The following CHODL variants were observed in gnomAD, a reference collection of about 807,000 sequenced individuals.
The protein encoded by CHODL is chondrolectin, also known as transmembrane protein MT75.
Under a neutral mutation model 34.5 loss-of-function variants are expected in CHODL, and 29 were observed. The observed-to-expected ratio is 0.84, with a 90% CI of 0.63 to 1.15. The LOEUF (loss-of-function observed/expected upper bound fraction) is 1.15. CHODL is among the 50% of genes most tolerant of loss of function. The probability of loss-of-function intolerance (pLI) is 0.00; values close to 1 mark genes in which losing one functional copy is unlikely to be tolerated. For synonymous variants in CHODL, 125 were observed against 116.1 expected, an observed-to-expected ratio of 1.08 and a Z score of -0.49; for missense variants, 332 against 332.5, an observed-to-expected ratio of 1.00 and a Z score of 0.01.
At chr21:17,953,941 T>C (rs979843003) in intron 1 of CHODL, among the ~76,000 whole-genome samples, 2 of 151,666 alleles carry the variant, frequency 1.3e-5, no homozygotes, top group Non-Finnish European at 1.5e-5. Context: ...ACCCGGGAGG[T>C]GGAGGTTGCA....
At chr21:18,231,729 CT>C (rs1362683426) in intron 2 of CHODL, among the ~76,000 whole-genome samples, 1 of 152,028 alleles carries the variant, frequency 6.6e-6, no homozygotes, top group Non-Finnish European at 1.5e-5. Flanking sequence ...TCTTTTCCGT[CT>C]GTTTGCTCCT....
chr21:18,039,231 A>C lies in CHODL; in HGVS notation c.-45+11260A>C, dbSNP rs529882240. ...GAGAGATATATATCTGTTATTTATC[A>C]ACTCTTAGATATTCATTAAGTTTGC... On this transcript the variant is annotated intron_variant, in intron 2 of 6. Transcript: ENST00000400127. 6.6e-5 allele frequency among the ~76,000 whole-genome samples: 10 copies of C among 151,902 alleles called. No individual in the cohort carries two copies. In the East Asian group the frequency reaches 1.9e-3, roughly 30 times the overall value.
chr21:18,019,039 CAT>C (rs1408243397), intron 1 of CHODL, among the ~76,000 whole-genome samples: 3 of 152,164 alleles, frequency 2.0e-5, no homozygotes, highest in Non-Finnish European at 4.4e-5. Context: ...AGCTATTTCA[CAT>C]GTTAGTAATC....
At chr21:18,163,001 A>G (rs1450777747) in intron 2 of CHODL, among the ~76,000 whole-genome samples, 1 of 152,136 alleles carries the variant, frequency 6.6e-6, no homozygotes, top group Non-Finnish European at 1.5e-5. Context: ...ATATATATCT[A>G]TGTGTCTATG....
intron 1 of CHODL, among the ~76,000 whole-genome samples, chr21:17,926,410 C>T (rs938293846): frequency 6.7e-5 from 10 of 149,216 alleles, no homozygotes; most frequent in African/African-American, 2.2e-4. Context: ...TGTATTAGTC[C>T]ATTCTCATAC....
chr21:18,023,916 C>G (rs536475615), intron 1 of CHODL, among the ~76,000 whole-genome samples: 1 of 152,260 alleles, frequency 6.6e-6, no homozygotes, highest in Admixed American at 6.5e-5. Context: ...ATCTGATTCT[C>G]AAAGCATGCA....
chr21:18,262,407 G>C (rs560280079), intron 4 of CHODL, among the ~76,000 whole-genome samples: 47 of 152,164 alleles, frequency 3.1e-4, no homozygotes, highest in Admixed American at 1.4e-3. Context: ...TTACTTCTAG[G>C]CTACAAACCC....
intron 2 of CHODL, among the ~76,000 whole-genome samples, chr21:18,123,835 C>G (rs756621614): frequency 1.7e-4 from 26 of 152,244 alleles, no homozygotes; most frequent in Non-Finnish European, 2.9e-4. Flanking sequence ...ATTATTCAAG[C>G]AAGCCATTTC....
At chr21:17,965,679 C>CA (rs1243668416) in intron 1 of CHODL, among the ~76,000 whole-genome samples, 3 of 152,044 alleles carry the variant, frequency 2.0e-5, no homozygotes, top group African/African-American at 7.2e-5. Context: ...GTTTCTTGAG[C>CA]AGAGGGTCCA....
rs1568923201 is a variant in CHODL, at chr21:18,174,152, T to TATATATATATATATATAA, written c.-44-82348_-44-82347insTATATATAAATATATATA. On this transcript the variant is annotated intron_variant, in intron 2 of 6. Coordinates refer to the CHODL transcript ENST00000400127. ...ATATATATATATATATATATATATATATATATATAAAATCAAGTCTCTCAG... is the reference window on the plus strand; with the variant it reads ...ATATATATATATATATATATATATATATATATATATATATATAAATATATATAAAATCAAGTCTCTCAG... Among the ~76,000 whole-genome samples, 138 of 125,786 alleles carry TATATATATATATATATAA rather than the reference T, an allele frequency of 1.1e-3. 1 individual carries two copies. The highest frequency in any genetic ancestry group is 4.0e-3 in the African/African-American group (134 of 33,580). 82.5% of individuals were successfully genotyped at this position (125,786 alleles called of 152,430 possible).
chr21:18,136,129 A>G (rs1307951972), intron 2 of CHODL, among the ~76,000 whole-genome samples: 1 of 150,432 alleles, frequency 6.6e-6, no homozygotes, highest in Non-Finnish European at 1.5e-5. Context: ...GAAAAAGAAA[A>G]AAAAGAAAAA....
rs76922232 is a variant in CHODL at position 18,157,548 on chromosome 21, G to A, written c.-44-98961G>A. On this transcript the variant is annotated intron_variant, in intron 2 of 6. Transcript: ENST00000400127. ...ATTTCTCTTCATTAAGGCAGGTTGT[G>A]TCAGCCAAACAGCAGATGGCCTAAC... 2.2e-3 allele frequency among the ~76,000 whole-genome samples: 328 copies of A among 152,310 alleles called. 1 individual carries two copies. The highest frequency in any genetic ancestry group is 3.4e-3 in the Non-Finnish European group (229 of 68,024).
chr21:18,062,362 C>T (rs1361795773), intron 2 of CHODL, among the ~76,000 whole-genome samples: 2 of 140,154 alleles, frequency 1.4e-5, no homozygotes, highest in Admixed American at 7.1e-5. Flanking sequence ...GTACACACCA[C>T]CACAGCCAGC....
intron 1 of CHODL, among the ~76,000 whole-genome samples, chr21:18,000,803 TATTA>T (rs2063898080): frequency 6.6e-6 from 1 of 152,170 alleles, no homozygotes; most frequent in African/African-American, 2.4e-5. Context: ...TAAATACTCA[TATTA>T]ATTATAAAAA....
intron 2 of CHODL, among the ~76,000 whole-genome samples, chr21:18,141,428 A>G (rs1337393079): frequency 3.3e-5 from 5 of 152,126 alleles, no homozygotes; most frequent in African/African-American, 7.2e-5. Context: ...AATGGAATGA[A>G]CAGCAGTAGA....
intron 1 of CHODL, among the ~76,000 whole-genome samples, chr21:17,946,376 C>A (rs536897333): frequency 4.5e-4 from 68 of 152,214 alleles, no homozygotes; most frequent in African/African-American, 1.5e-3. Context: ...GCCGAGATGG[C>A]GCCACTGCAC....
intron 1 of CHODL, among the ~76,000 whole-genome samples, chr21:18,007,586 T>C (rs2063972488): frequency 6.6e-6 from 1 of 152,188 alleles, no homozygotes; most frequent in South Asian, 2.1e-4. Flanking sequence ...CATTTAATGA[T>C]TGGACACACA....
At chr21:18,248,752 ATG>A (rs2074186973) in intron 1 of CHODL, among the ~76,000 whole-genome samples, 2 of 115,758 alleles carry the variant, frequency 1.7e-5, no homozygotes, top group African/African-American at 7.1e-5. Flanking sequence ...TATAATATAT[ATG>A]TATATATGTT....
intron 1 of CHODL, among the ~76,000 whole-genome samples, chr21:18,249,140 T>G (rs2074204369): frequency 7.3e-6 from 1 of 136,124 alleles, no homozygotes; most frequent in Admixed American, 8.2e-5. Context: ...TATAATAATA[T>G]ATATATATAT....
Sources: allele counts gnomAD v4.1 joint callset (sites outside exome capture counted in the v4.1 genomes callset), GRCh38; gene constraint gnomAD v4.1.1; transcripts MANE v1.5; gene names NCBI Gene and HGNC (gene_info 2026-07-23, HGNC 2026-07-21).